Variants in ZMYND11 observed in about 807,000 individuals in gnomAD.
ZMYND11 encodes zinc finger MYND domain-containing protein 11.
Under a neutral mutation model 84.9 loss-of-function variants are expected in ZMYND11, and 9 were observed. The observed-to-expected ratio is 0.11, with a 90% CI of 0.06 to 0.18. The LOEUF (loss-of-function observed/expected upper bound fraction) is 0.18. ZMYND11 is among the 10% of genes least tolerant of loss of function. The probability of loss-of-function intolerance (pLI) is 1.00; values close to 1 mark genes in which losing one functional copy is unlikely to be tolerated. For missense variants in ZMYND11, 409 were observed against 761.0 expected (o/e 0.54, Z 5.44); for synonymous variants, 250 against 244.1 (o/e 1.02, Z -0.23).
At chr10:241,287 C>G (rs1430504213) in intron 9 of ZMYND11, among the ~76,000 whole-genome samples, 2 of 152,106 alleles carry the variant, frequency 1.3e-5, no homozygotes, top group African/African-American at 4.8e-5. Context: ...AAGTGATTCT[C>G]CCACCTCAGC....
chr10:201,585 T>TACACACACACACACACACAC (rs56058145), intron 2 of ZMYND11, among the ~76,000 whole-genome samples: 4,822 of 146,066 alleles, frequency 0.033, 118 homozygotes, highest in East Asian at 0.096. Context: ...TACCATGAAA[T>TACACACACACACACACACAC]ACACACACAC....
intron 1 of ZMYND11, among the ~76,000 whole-genome samples, chr10:175,198 A>T (rs1846327122): frequency 6.6e-6 from 1 of 152,202 alleles, no homozygotes; most frequent in South Asian, 2.1e-4. Flanking sequence ...GTGCATGTGC[A>T]TTTGTGGGGC....
chr10:181,435 A>G (rs2130733639), intron 2 of ZMYND11, among the ~76,000 whole-genome samples: 1 of 152,314 alleles, frequency 6.6e-6, no homozygotes, highest in African/African-American at 2.4e-5. Context: ...CCTGGCCAAC[A>G]TGGTGAAACC....
At chr10:234,566 T>G (rs1949595206) in intron 4 of ZMYND11, among the ~76,000 whole-genome samples, 2 of 146,446 alleles carry the variant, frequency 1.4e-5, no homozygotes, top group African/African-American at 5.1e-5. Context: ...TGGTGTAGAT[T>G]GCTATTATGT....
intron 10 of ZMYND11, 120 bp from the exon 11 acceptor site, chr10:246,646 A>G (rs1360056023): frequency 2.2e-6 from 2 of 901,422 alleles, no homozygotes; most frequent in African/African-American, 1.7e-5. Context: ...GCACCAAGCT[A>G]ACAGACGAGA....
intron 2 of ZMYND11, among the ~76,000 whole-genome samples, chr10:190,260 G>A (rs755763976): frequency 6.6e-6 from 1 of 151,908 alleles, no homozygotes; most frequent in Non-Finnish European, 1.5e-5. Context: ...TCTTCCCATC[G>A]TTGGTGTTAG....
intron 3 of ZMYND11, among the ~76,000 whole-genome samples, chr10:218,058 C>G (rs1946486995): frequency 6.6e-6 from 1 of 152,130 alleles, no homozygotes; most frequent in Non-Finnish European, 1.5e-5. Context: ...CCAGTGTGAA[C>G]CAGTTTTAAA....
intron 1 of ZMYND11, among the ~76,000 whole-genome samples, chr10:138,110 G>GTTTTTT (rs1198726870): frequency 7.5e-6 from 1 of 133,054 alleles, no homozygotes; most frequent in African/African-American, 2.8e-5. Context: ...TTCTGTTGGC[G>GTTTTTT]TTTTTTTTTT....
At position 242,102 on chromosome 10, in the gene ZMYND11, C is replaced by CT. The variant is rs1951077529; in HGVS notation, c.913_914insT (p.Gln305LeufsTer19). 6.2e-7 allele frequency: 1 copy of CT among 1,613,834 alleles called. No individual in the cohort carries two copies. Among genetic ancestry groups the CT allele is most frequent in the Admixed American group, 1.7e-5 (1 of 59,978 alleles). ...CAAAGTCATGCAGAAAGAAGACAAT[C>CT]AAGTCGACGTTCGCTTCTTTGGCCA... On this transcript the variant is annotated frameshift_variant, in exon 10 of 15. Transcript: ENST00000381604. LOFTEE classifies it high-confidence loss of function.
intron 2 of ZMYND11, among the ~76,000 whole-genome samples, chr10:208,380 C>T (rs1375580721): frequency 6.6e-6 from 1 of 152,122 alleles, no homozygotes; most frequent in Non-Finnish European, 1.5e-5. Flanking sequence ...AGAAAATTTT[C>T]ACAACCTACT....
intron 1 of ZMYND11, among the ~76,000 whole-genome samples, chr10:149,421 C>T (rs1839779612): frequency 6.6e-6 from 1 of 151,810 alleles, no homozygotes; most frequent in Non-Finnish European, 1.5e-5. Context: ...CGCCATTCTC[C>T]TGCATCAGCC....
At chr10:240,022 A>G (rs748911030) in intron 7 of ZMYND11, 34 bp from the exon 8 acceptor site, 16 of 1,575,696 alleles carry the variant, frequency 1.0e-5, no homozygotes, top group African/African-American at 2.7e-5. Flanking sequence ...TTTGCAGACT[A>G]TTGCTTATAG....
intron 1 of ZMYND11, among the ~76,000 whole-genome samples, chr10:143,986 A>G (rs529335521): frequency 1.4e-5 from 2 of 147,510 alleles, no homozygotes; most frequent in Admixed American, 1.4e-4. Flanking sequence ...CCTGGGCCAC[A>G]GAGCAAGACC....
intron 6 of ZMYND11, 51 bp downstream of exon 6, chr10:237,728 A>C: frequency 7.1e-7 from 1 of 1,401,396 alleles, no homozygotes; most frequent in Non-Finnish European, 9.9e-7. Context: ...CTTAACTAAC[A>C]AGTTAAAGAA....
intron 1 of ZMYND11, among the ~76,000 whole-genome samples, chr10:170,429 T>TGC (rs1372104603): frequency 3.0e-4 from 11 of 37,256 alleles, no homozygotes; most frequent in East Asian, 1.4e-3. Context: ...TGATTATGTG[T>TGC]GCGTGTGTGT....
intron 1 of ZMYND11, among the ~76,000 whole-genome samples, chr10:174,940 A>G (rs12356279): frequency 0.019 from 1,798 of 95,140 alleles, 2 homozygotes; most frequent in Non-Finnish European, 0.032. Flanking sequence ...TCATTCATAC[A>G]TTGGTCAGAA....
chr10:250,506 T>G (rs1232540119), intron 14 of ZMYND11, among the ~76,000 whole-genome samples: 2 of 151,038 alleles, frequency 1.3e-5, no homozygotes, highest in Admixed American at 6.6e-5. Flanking sequence ...TAAAAAATTC[T>G]TATGAGTAGA....
intron 1 of ZMYND11, among the ~76,000 whole-genome samples, chr10:161,597 A>G (rs1369691508): frequency 6.6e-6 from 1 of 152,220 alleles, no homozygotes; most frequent in East Asian, 1.9e-4. Context: ...TGTTTAGTGT[A>G]GCCACCTTAA....
chr10:248,709 G>T, intron 13 of ZMYND11, 101 bp downstream of exon 13: 1 of 1,442,260 alleles, frequency 6.9e-7, no homozygotes, highest in Non-Finnish European at 9.2e-7. Context: ...GCTTTTACAT[G>T]TAGCCATATA....
Sources: allele counts gnomAD v4.1 joint callset (sites outside exome capture counted in the v4.1 genomes callset), GRCh38; gene constraint gnomAD v4.1.1; transcripts MANE v1.5; gene names NCBI Gene and HGNC (gene_info 2026-07-23, HGNC 2026-07-21).